Variants in OPRM1 observed in about 807,000 individuals in gnomAD.
OPRM1 encodes the protein mu-type opioid receptor.
OPRM1 carries 27 observed loss-of-function variants against 31.8 expected under a neutral mutation model. The ratio of observed to expected loss-of-function variants is 0.85; its 90% CI spans 0.63 to 1.17. The LOEUF (loss-of-function observed/expected upper bound fraction) is 1.17. Among genes scored for constraint, OPRM1 ranks in the 50% most tolerant of loss-of-function variants. The probability of loss-of-function intolerance (pLI) is 0.00; values close to 1 mark genes in which losing one functional copy is unlikely to be tolerated. For missense variants in OPRM1, 536 were observed against 511.1 expected (o/e 1.05, Z -0.47); for synonymous variants, 196 against 189.9 (o/e 1.03, Z -0.26).
chr6:154,025,650 G>A (rs1157041617), intron 1 of OPRM1, among the ~76,000 whole-genome samples: 1 of 151,664 alleles, frequency 6.6e-6, no homozygotes, highest in Non-Finnish European at 1.5e-5. Context: ...ATTTACTCTG[G>A]TTATATGGTT....
At position 154,119,304 on chromosome 6, in the gene OPRM1, A is replaced by T; in HGVS notation, c.*583A>T. 1 of 985,478 alleles carries T rather than the reference A, an allele frequency of 1.0e-6. No individual in the cohort carries two copies. Among genetic ancestry groups the T allele is most frequent in the Non-Finnish European group, 1.2e-6 (1 of 829,918 alleles). 61.0% of individuals were successfully genotyped at this position (985,478 alleles called of 1,614,324 possible). ...TAAAAAAATAACATCTCTTTCATCT[A>T]GCTCCATAATTGCAAGGGAAGAGAT... On this transcript the variant is annotated 3_prime_UTR_variant, in exon 4 of 4. Transcript: ENST00000330432.
At chr6:154,220,280 A>G (rs1342047795) in intron 3 of OPRM1, among the ~76,000 whole-genome samples, 2 of 152,202 alleles carry the variant, frequency 1.3e-5, no homozygotes, top group African/African-American at 2.4e-5. Flanking sequence ...AATAAGAGAC[A>G]CTAAGAATTC....
chr6:154,160,374 C>G (rs1203870282), intron 3 of OPRM1, among the ~76,000 whole-genome samples: 1 of 152,202 alleles, frequency 6.6e-6, no homozygotes, highest in Non-Finnish European at 1.5e-5. Flanking sequence ...CTAAAACTTA[C>G]CATTGTAGGT....
At position 154,168,498 on chromosome 6, in the gene OPRM1, T is replaced by G. The variant is rs1031675529; in HGVS notation, c.1164+77026T>G. Among the ~76,000 whole-genome samples the G allele has an allele frequency of 6.6e-6, 1 of 152,196 alleles. No individual in the cohort carries two copies. Among genetic ancestry groups the G allele is most frequent in the Admixed American group, 6.5e-5 (1 of 15,286 alleles). Reference sequence around the variant, plus strand: ...ATTAGAAACCTGCCCTATTAACTCATCTTAACTAGTTAAATCTGCAACAAC... The same window carrying G: ...ATTAGAAACCTGCCCTATTAACTCAGCTTAACTAGTTAAATCTGCAACAAC... On this transcript the variant is annotated intron_variant, in intron 3 of 3. Coordinates refer to the OPRM1 transcript ENST00000337049. This position sits in a 1 kb window ranked among gnomAD's most constrained non-coding sequence, Gnocchi z 4.1.
At chr6:154,057,805 G>A (rs1215613318) in intron 1 of OPRM1, among the ~76,000 whole-genome samples, 4 of 152,150 alleles carry the variant, frequency 2.6e-5, no homozygotes, top group African/African-American at 2.4e-5. Flanking sequence ...GTAATGGAAC[G>A]ATGACCAGTC....
rs1783557618 is a variant in OPRM1 at position 154,057,570 on chromosome 6, A to C, written c.290+17736A>C. Reference sequence around the variant, plus strand: ...TTGTTAAAGGTATTATTTATGTCTCAGAGGCAAGATAGTAGTGAGTGGAAA... The same window carrying C: ...TTGTTAAAGGTATTATTTATGTCTCCGAGGCAAGATAGTAGTGAGTGGAAA... On this transcript the variant is annotated intron_variant, in intron 1 of 3. Transcript: ENST00000330432. Among the ~76,000 whole-genome samples, 4 of 152,202 alleles carry C rather than the reference A, an allele frequency of 2.6e-5. No individual in the cohort carries two copies. The South Asian group carries it at 8.3e-4, about 32-fold the overall frequency.
intron 1 of OPRM1, among the ~76,000 whole-genome samples, chr6:154,089,429 T>C (rs907983508): frequency 6.6e-6 from 1 of 151,662 alleles, no homozygotes; most frequent in African/African-American, 2.4e-5. Flanking sequence ...CCTACAAAAG[T>C]TTTTTAAAAT....
intron 1 of OPRM1, chr6:154,011,136 C>T: frequency 2.1e-6 from 2 of 947,280 alleles, no homozygotes; most frequent in Non-Finnish European, 2.9e-6. Flanking sequence ...TACCTTGTCC[C>T]TGTGATGTAA....
At chr6:154,011,426 A>G (rs1435844592) in intron 1 of OPRM1, among the ~76,000 whole-genome samples, 2 of 152,190 alleles carry the variant, frequency 1.3e-5, no homozygotes. Context: ...AAAGAGAAGA[A>G]AAGCTCTGAC....
chr6:154,096,317 CCCAA>C (rs1793375373), intron 3 of OPRM1, among the ~76,000 whole-genome samples: 1 of 152,196 alleles, frequency 6.6e-6, no homozygotes, highest in Admixed American at 6.5e-5. Flanking sequence ...ACCTCAGCCT[CCCAA>C]AGTGCTGAGA....
chr6:154,139,494 A>C (rs757134842), intron 3 of OPRM1, among the ~76,000 whole-genome samples: 5 of 152,212 alleles, frequency 3.3e-5, no homozygotes, highest in Non-Finnish European at 7.4e-5. Flanking sequence ...AACCAGAATA[A>C]GCTGAAGAGA....
At position 154,128,907 on chromosome 6, in the gene OPRM1, G is replaced by C. The variant is rs1162625252; in HGVS notation, c.*10186G>C. 6.6e-6 allele frequency among the ~76,000 whole-genome samples: 1 copy of C among 151,820 alleles called. No homozygotes were observed. Among genetic ancestry groups the C allele is most frequent in the African/African-American group, 2.4e-5 (1 of 41,308 alleles). On this transcript the variant is annotated 3_prime_UTR_variant, in exon 4 of 4. Transcript: ENST00000330432. ...AAAACAGGAAATTAATGTTAAATTG[G>C]ATCTATAAACATAAGTCAATTTGGC...
intron 3 of OPRM1, among the ~76,000 whole-genome samples, chr6:154,092,828 G>C (rs1792588317): frequency 6.6e-6 from 1 of 152,190 alleles, no homozygotes. Flanking sequence ...GAGAGCATGA[G>C]GTAATGATGG....
chr6:154,071,816 A>G (rs924091507), intron 1 of OPRM1, among the ~76,000 whole-genome samples: 1 of 152,244 alleles, frequency 6.6e-6, no homozygotes, highest in Non-Finnish European at 1.5e-5. Flanking sequence ...AATGTTAACC[A>G]GGAAAGGGAG....
chr6:154,075,914 T>C (rs1290585280), intron 1 of OPRM1, among the ~76,000 whole-genome samples: 1 of 152,144 alleles, frequency 6.6e-6, no homozygotes, highest in Non-Finnish European at 1.5e-5. Context: ...GCCTGTAAAA[T>C]GGGGATGATG....
Position 154,131,098 on chromosome 6 carries a change from A to G in OPRM1, c.*12377A>G, listed in dbSNP as rs1379144934. ...ACTTGTCATTACATTTTTTTATAAC[A>G]TTAATGACACATTTTTTGCTATCCA... is the stretch of plus-strand genomic sequence containing the variant. On this transcript the variant is annotated 3_prime_UTR_variant, in exon 4 of 4. Transcript: ENST00000330432. Among the ~76,000 whole-genome samples, 4 of 152,246 alleles carry G rather than the reference A, an allele frequency of 2.6e-5. No individual in the cohort carries two copies. Among genetic ancestry groups the G allele is most frequent in the East Asian group, 1.9e-4 (1 of 5,202 alleles).
Position 154,077,310 on chromosome 6 carries a change from G to A in OPRM1, c.291-12516G>A, listed in dbSNP as rs189338320. Reference sequence around the variant, plus strand: ...GTTTTGTTTTGTTTTTAGAGACAGAGTTTCACCATGCTCGCCAGGCTGGTC... The same window carrying A: ...GTTTTGTTTTGTTTTTAGAGACAGAATTTCACCATGCTCGCCAGGCTGGTC... On this transcript the variant is annotated intron_variant, in intron 1 of 3. Coordinates refer to ENST00000330432, the MANE Select transcript of OPRM1 (RefSeq NM_000914.5). 2.2e-3 allele frequency among the ~76,000 whole-genome samples: 341 copies of A among 151,980 alleles called. 1 individual carries two copies. Among genetic ancestry groups the A allele is most frequent in the South Asian group, 2.1e-3 (10 of 4,808 alleles).
chr6:154,206,824 T>C (rs114215484), intron 3 of OPRM1, among the ~76,000 whole-genome samples: 1,973 of 152,306 alleles, frequency 0.013, 47 homozygotes, highest in African/African-American at 0.044. Flanking sequence ...AGGGCAGGAA[T>C]GTCTGGAACG....
At chr6:154,081,890 T>TG (rs1226119539) in intron 1 of OPRM1, among the ~76,000 whole-genome samples, 1 of 152,188 alleles carries the variant, frequency 6.6e-6, no homozygotes, top group Non-Finnish European at 1.5e-5. Context: ...CAAGCAAAGG[T>TG]GCCTCTTTGC....
Sources: gnomAD v4.1 joint callset for allele counts (sites outside exome capture counted in the v4.1 genomes callset) on GRCh38, gnomAD v4.1.1 for gene constraint, Gnocchi (gnomAD v3.1) non-coding constraint, MANE v1.5 for transcripts, NCBI Gene and HGNC (gene_info 2026-07-23, HGNC 2026-07-21) for gene names.